PAK5: variants seen among roughly 807,000 people sequenced by gnomAD.
PAK5 encodes p21 (RAC1) activated kinase 5.
In PAK5, 16 loss-of-function variants were observed where a neutral mutation model predicts 65.9. The observed-to-expected ratio is 0.24, with a 90% CI of 0.16 to 0.37. The LOEUF is 0.37. Ranked by LOEUF, PAK5 falls within the 10% of genes least tolerant of loss-of-function variation. PAK5 has a pLI of 1.00. For missense variants in PAK5, 785 were observed against 903.9 expected, an observed-to-expected ratio of 0.87 and a Z score of 1.69; for synonymous variants, 371 against 354.9, an observed-to-expected ratio of 1.05 and a Z score of -0.51.
At chr20:9,702,826 A>C (rs1277594105) in intron 2 of PAK5, among the ~76,000 whole-genome samples, 1 of 152,168 alleles carries the variant, frequency 6.6e-6, no homozygotes, top group Admixed American at 6.6e-5. Context: ...AACACTAAGC[A>C]CTGCTACTTA....
chr20:9,741,925 T>C lies in PAK5; in HGVS notation c.-161-30490A>G, dbSNP rs145877798. On this transcript the variant is annotated intron_variant, in intron 1 of 9. Coordinates refer to ENST00000353224, the MANE Select transcript of PAK5 (RefSeq NM_177990.4). ...CTTGAAAGCAATACTTGGAAAAATA[T>C]CAGGCTACCCTTGGAAGTAGCTACT... is the stretch of plus-strand genomic sequence containing the variant. Among the ~76,000 whole-genome samples the C allele has an allele frequency of 9.4e-3, 1,424 of 152,112 alleles. 23 individuals carry two copies. The highest frequency in any genetic ancestry group is 0.032 in the African/African-American group (1,348 of 41,506).
At chr20:9,590,178 C>T (rs2046142438) in intron 3 of PAK5, among the ~76,000 whole-genome samples, 1 of 151,982 alleles carries the variant, frequency 6.6e-6, no homozygotes, top group African/African-American at 2.4e-5. Context: ...ATTATGTTGC[C>T]CAGGGTGGTC....
At chr20:9,835,070 T>C (rs1979034145) in intron 1 of PAK5, among the ~76,000 whole-genome samples, 3 of 152,300 alleles carry the variant, frequency 2.0e-5, no homozygotes, top group Admixed American at 2.0e-4. Flanking sequence ...CAGAATAAGG[T>C]TCTAAATTGC....
intron 8 of PAK5, among the ~76,000 whole-genome samples, chr20:9,543,612 C>T (rs2045300982): frequency 6.6e-6 from 1 of 152,170 alleles, no homozygotes; most frequent in African/African-American, 2.4e-5. Context: ...CATGTCTTCT[C>T]ATGCTTCTCT....
chr20:9,608,499 C>G (rs1176820460), intron 3 of PAK5, among the ~76,000 whole-genome samples: 1 of 152,190 alleles, frequency 6.6e-6, no homozygotes, highest in African/African-American at 2.4e-5. Context: ...GCAAGTAATC[C>G]TCCATTGTCT....
At chr20:9,602,107 A>C (rs2046370419) in intron 3 of PAK5, among the ~76,000 whole-genome samples, 1 of 152,012 alleles carries the variant, frequency 6.6e-6, no homozygotes, top group Non-Finnish European at 1.5e-5. Flanking sequence ...CCTGGTCAAC[A>C]TAGTGAAACC....
intron 7 of PAK5, among the ~76,000 whole-genome samples, chr20:9,546,767 A>G (rs1055311821): frequency 2.6e-5 from 4 of 152,218 alleles, no homozygotes; most frequent in Non-Finnish European, 4.4e-5. Context: ...CATCCCTAGT[A>G]GCCTCTAGTT....
intron 1 of PAK5, among the ~76,000 whole-genome samples, chr20:9,800,266 A>G (rs1308348847): frequency 1.3e-5 from 2 of 152,100 alleles, no homozygotes; most frequent in Admixed American, 1.3e-4. Context: ...AACTCATTTT[A>G]TCTGTTTCTT....
At chr20:9,693,082 G>T (rs970024039) in intron 2 of PAK5, among the ~76,000 whole-genome samples, 4 of 152,088 alleles carry the variant, frequency 2.6e-5, no homozygotes, top group Non-Finnish European at 5.9e-5. Context: ...GTGTCCTGCA[G>T]TTGAATTGAC....
chr20:9,582,483 A>C (rs796220463), intron 3 of PAK5, among the ~76,000 whole-genome samples: 45 of 152,306 alleles, frequency 3.0e-4, no homozygotes, highest in African/African-American at 9.6e-4. Flanking sequence ...CATAATGTTT[A>C]GGGTACATAT....
At chr20:9,773,704 C>T (rs1047453645) in intron 1 of PAK5, among the ~76,000 whole-genome samples, 3 of 152,172 alleles carry the variant, frequency 2.0e-5, no homozygotes, top group East Asian at 1.9e-4. Flanking sequence ...GCATAATAGA[C>T]GGCAGAGCTG....
At chr20:9,567,334 G>A (rs2045699791) in intron 4 of PAK5, among the ~76,000 whole-genome samples, 1 of 152,064 alleles carries the variant, frequency 6.6e-6, no homozygotes, top group Admixed American at 6.6e-5. Flanking sequence ...TCACTCTACT[G>A]GGTGTAAATG....
intron 6 of PAK5, among the ~76,000 whole-genome samples, chr20:9,560,247 C>T (rs1199200999): frequency 1.3e-5 from 2 of 152,320 alleles, no homozygotes; most frequent in South Asian, 2.1e-4. Context: ...TCTTCTTCTA[C>T]TTCTTTCCTA....
At chr20:9,710,577 A>G (rs149506183) in intron 2 of PAK5, among the ~76,000 whole-genome samples, 1 of 152,302 alleles carries the variant, frequency 6.6e-6, no homozygotes, top group African/African-American at 2.4e-5. Context: ...AGTCAGCAGT[A>G]TCTTTTATGT....
At chr20:9,645,922 C>G (rs1301651973) in intron 2 of PAK5, among the ~76,000 whole-genome samples, 1 of 152,204 alleles carries the variant, frequency 6.6e-6, no homozygotes, top group South Asian at 2.1e-4. Flanking sequence ...TTCTTCACAG[C>G]ATTTATCCAC....
At chr20:9,725,134 C>T (rs2048261658) in intron 1 of PAK5, among the ~76,000 whole-genome samples, 1 of 151,960 alleles carries the variant, frequency 6.6e-6, no homozygotes. Flanking sequence ...TATAACTGTG[C>T]CCTGCAACAC....
Position 9,743,040 on chromosome 20 carries a change from G to C in PAK5, c.-161-31605C>G, listed in dbSNP as rs562501013. Among the ~76,000 whole-genome samples the C allele has an allele frequency of 2.6e-5, 4 of 152,258 alleles. No individual in the cohort carries two copies. The South Asian group carries it at 8.3e-4, about 32-fold the overall frequency. The stretch of plus-strand genomic sequence containing the variant: ...ATAGTCTGCTGGAGAATGGACTTTA[G>C]TCATGTAGGCTCCCTACCTGTGTGA... On this transcript the variant is annotated intron_variant, in intron 1 of 9. Transcript: ENST00000353224.
At chr20:9,706,881 C>T (rs2048015255) in intron 2 of PAK5, among the ~76,000 whole-genome samples, 1 of 152,084 alleles carries the variant, frequency 6.6e-6, no homozygotes, top group South Asian at 2.1e-4. Context: ...TCCAATCAAC[C>T]ATACATTCAT....
chr20:9,667,988 C>G (rs761215207), intron 2 of PAK5, among the ~76,000 whole-genome samples: 2 of 151,928 alleles, frequency 1.3e-5, no homozygotes, highest in Non-Finnish European at 2.9e-5. Context: ...CCAAATAGAT[C>G]AGAAGCTGAG....
Sources: gnomAD v4.1 joint callset for allele counts (sites outside exome capture counted in the v4.1 genomes callset) on GRCh38, gnomAD v4.1.1 for gene constraint, MANE v1.5 for transcripts, NCBI Gene and HGNC (gene_info 2026-07-23, HGNC 2026-07-21) for gene names.